Variants in NDUFA9 observed in about 807,000 individuals in gnomAD.
NDUFA9 encodes the protein NADH dehydrogenase [ubiquinone] 1 alpha subcomplex subunit 9, mitochondrial.
Under a neutral mutation model 45.9 loss-of-function variants are expected in NDUFA9, and 23 were observed. That is an observed-to-expected ratio of 0.50 (90% CI 0.36 to 0.71). NDUFA9 has a LOEUF of 0.71. Ranked by LOEUF, NDUFA9 falls within the 30% of genes least tolerant of loss-of-function variation. The pLI is 0.00. For missense variants in NDUFA9, 466 were observed against 488.2 expected (o/e 0.95, Z 0.43); for synonymous variants, 176 against 170.5 (o/e 1.03, Z -0.25).
chr12:4,676,204 G>C (rs1037376253), intron 8 of NDUFA9, among the ~76,000 whole-genome samples: 4 of 152,154 alleles, frequency 2.6e-5, no homozygotes, highest in Non-Finnish European at 5.9e-5. Flanking sequence ...GGCGAAAACT[G>C]GAAGCATTCC....
intron 6 of NDUFA9, among the ~76,000 whole-genome samples, chr12:4,664,493 CTT>C (rs1429244663): frequency 2.6e-5 from 4 of 152,366 alleles, no homozygotes; most frequent in African/African-American, 7.2e-5. Context: ...AGAACTATCT[CTT>C]TGGTTTCAAA....
intron 1 of NDUFA9, among the ~76,000 whole-genome samples, chr12:4,651,563 C>G (rs1945760021): frequency 6.6e-6 from 1 of 151,944 alleles, no homozygotes; most frequent in South Asian, 2.1e-4. Context: ...TGAGAAATTT[C>G]AAAGTAATAA....
intron 6 of NDUFA9, among the ~76,000 whole-genome samples, chr12:4,663,545 G>A (rs1368548758): frequency 2.0e-5 from 3 of 152,172 alleles, no homozygotes; most frequent in African/African-American, 2.4e-5. Context: ...CACATACTGA[G>A]GAAAGGCCAT....
intron 10 of NDUFA9, among the ~76,000 whole-genome samples, chr12:4,686,136 G>C (rs1308436339): frequency 6.6e-6 from 1 of 152,220 alleles, no homozygotes; most frequent in Non-Finnish European, 1.5e-5. Flanking sequence ...GTTTATACTT[G>C]AGAAAGTGTT....
At chr12:4,656,883 C>T (rs567287252) in intron 3 of NDUFA9, among the ~76,000 whole-genome samples, 1 of 152,184 alleles carries the variant, frequency 6.6e-6, no homozygotes, top group African/African-American at 2.4e-5. Context: ...TCTTTTAACC[C>T]ACTTTCTATC....
At chr12:4,652,885 T>C (rs1665674501) in intron 1 of NDUFA9, among the ~76,000 whole-genome samples, 1 of 152,274 alleles carries the variant, frequency 6.6e-6, no homozygotes, top group African/African-American at 2.4e-5. Context: ...CTAGGCTATT[T>C]CTCCAATTCA....
intron 8 of NDUFA9, among the ~76,000 whole-genome samples, chr12:4,677,058 C>A (rs1319267843): frequency 6.6e-6 from 1 of 152,294 alleles, no homozygotes; most frequent in Non-Finnish European, 1.5e-5. Flanking sequence ...GGAAATGATT[C>A]TCCGTTTAAT....
At chr12:4,675,586 T>C (rs910515590) in intron 8 of NDUFA9, among the ~76,000 whole-genome samples, 1 of 152,114 alleles carries the variant, frequency 6.6e-6, no homozygotes, top group Non-Finnish European at 1.5e-5. Context: ...CCTGGACACA[T>C]ACCCCCTCCC....
chr12:4,664,232 G>A (rs991591565), intron 6 of NDUFA9, among the ~76,000 whole-genome samples: 3 of 152,190 alleles, frequency 2.0e-5, no homozygotes, highest in Non-Finnish European at 4.4e-5. Flanking sequence ...GAGTGTGGCT[G>A]AACAACCATT....
chr12:4,671,665 A>G (rs565859328), intron 8 of NDUFA9, among the ~76,000 whole-genome samples: 1 of 152,306 alleles, frequency 6.6e-6, no homozygotes, highest in South Asian at 2.1e-4. Context: ...TAATTTCAAA[A>G]CCTAATAGCT....
At position 4,686,879 on chromosome 12, in the gene NDUFA9, ATAGCACTT is replaced by A. The variant is rs1180840590; in HGVS notation, c.964-57_964-50del. On this transcript the variant is annotated intron_variant, in intron 10 of 10. Coordinates refer to ENST00000266544, the MANE Select transcript of NDUFA9 (RefSeq NM_005002.5). ...CTTGAATGTTTAAGTGCCTGCTAGGATAGCACTTTGTTCTCAGCCAGTTTTCAGCATTG... is the reference window on the plus strand; with the variant it reads ...CTTGAATGTTTAAGTGCCTGCTAGGATGTTCTCAGCCAGTTTTCAGCATTG... 16 of 1,524,256 alleles carry A rather than the reference ATAGCACTT, an allele frequency of 1.0e-5. 1 individual carries two copies. The highest frequency in any genetic ancestry group is 1.4e-5 in the Non-Finnish European group (16 of 1,114,424). The allele number at this position is 1,524,256 out of a possible 1,614,324, so 94.4% of individuals were successfully genotyped here.
chr12:4,665,462 A>C (rs1945847628), intron 6 of NDUFA9, among the ~76,000 whole-genome samples: 1 of 152,194 alleles, frequency 6.6e-6, no homozygotes. Flanking sequence ...TCTATACCAC[A>C]TTTTGTTTAA....
intron 6 of NDUFA9, among the ~76,000 whole-genome samples, chr12:4,667,201 C>T (rs111468763): frequency 1.2e-4 from 19 of 152,272 alleles, no homozygotes; most frequent in African/African-American, 4.6e-4. Flanking sequence ...TAGCTGAATG[C>T]TTCATGAAGC....
At chr12:4,654,693 A>G in intron 2 of NDUFA9, 132 bp from the exon 3 acceptor site, 1 of 964,132 alleles carries the variant, frequency 1.0e-6, no homozygotes. Context: ...TAGCATGGCA[A>G]AATATTCTTT....
chr12:4,675,325 A>C (rs1307314266), intron 8 of NDUFA9, among the ~76,000 whole-genome samples: 2 of 152,214 alleles, frequency 1.3e-5, no homozygotes, highest in African/African-American at 2.4e-5. Flanking sequence ...TCAGAGCAGA[A>C]CCGAAGGAGA....
chr12:4,664,316 T>A (rs1007467874), intron 6 of NDUFA9, among the ~76,000 whole-genome samples: 1 of 152,194 alleles, frequency 6.6e-6, no homozygotes, highest in Non-Finnish European at 1.5e-5. Context: ...GAGATGAGAT[T>A]ACATCAGCAA....
Position 4,692,945 on chromosome 12 carries a change from A to T in NDUFA9, c.*5837A>T, listed in dbSNP as rs545816802. 1 of 152,326 alleles carries T rather than the reference A, an allele frequency of 6.6e-6. No homozygotes were observed. The highest frequency in any genetic ancestry group is 2.4e-5 in the African/African-American group (1 of 41,536). 9.4% of individuals were successfully genotyped at this position (152,326 alleles called of 1,614,324 possible). The stretch of plus-strand genomic sequence containing the variant: ...TAACATCTGCTTGGCATGAGCCACC[A>T]CACCCGGCCAGAATTTTATTTTTAG... On this transcript the variant is annotated 3_prime_UTR_variant, in exon 11 of 11. Transcript: ENST00000266544.
Position 4,686,942 on chromosome 12 carries a change from A to C in NDUFA9, c.968A>C (p.His323Pro), listed in dbSNP as rs752729499. Residue 323 changes from histidine (H) to proline (P), a missense_variant, in exon 11 of 11, where the codon CAC becomes CCC. Physicochemically the swap from His to Pro is moderately conservative, Grantham distance 77. Transcript: ENST00000266544. Reference sequence around the variant, plus strand: ...TGGTCCTTTGTTTATCCAAAGATGCACATCACAGACATGAAATTGCCTCAC... The same window carrying C: ...TGGTCCTTTGTTTATCCAAAGATGCCCATCACAGACATGAAATTGCCTCAC... ...WITRDKVERM[H>P]ITDMKLPHLP... 6.2e-7 allele frequency: 1 copy of C among 1,613,888 alleles called. No individual in the cohort carries two copies.
intron 9 of NDUFA9, 122 bp downstream of exon 9, chr12:4,682,422 T>C (rs1246701632): frequency 2.2e-5 from 12 of 557,740 alleles, no homozygotes; most frequent in African/African-American, 5.7e-5. Flanking sequence ...CCTAGTGTTA[T>C]GACATTAGCA....
Sources: allele counts gnomAD v4.1 joint callset (sites outside exome capture counted in the v4.1 genomes callset), GRCh38; gene constraint gnomAD v4.1.1; transcripts MANE v1.5; gene names NCBI Gene and HGNC (gene_info 2026-07-23, HGNC 2026-07-21).